Variants in FBXO36 observed in about 807,000 individuals in gnomAD.
FBXO36 encodes the protein F-box only protein 36.
Under a neutral mutation model 17.0 loss-of-function variants are expected in FBXO36, and 18 were observed. That is an observed-to-expected ratio of 1.06 (90% CI 0.73 to 1.57). FBXO36 has a LOEUF of 1.57. Ranked by LOEUF, FBXO36 falls within the 40% of genes most tolerant of loss-of-function variation. The pLI is 0.00. For synonymous variants in FBXO36, 83 were observed against 85.3 expected, an observed-to-expected ratio of 0.97 and a Z score of 0.15; for missense variants, 229 against 221.9, an observed-to-expected ratio of 1.03 and a Z score of -0.20.
At position 229,996,750 on chromosome 2, in the gene FBXO36, G is replaced by T; in HGVS notation, c.206-1G>T. On this transcript the variant is annotated splice_acceptor_variant, in intron 2 of 3. Coordinates refer to ENST00000283946, the MANE Select transcript of FBXO36 (RefSeq NM_174899.5). LOFTEE classifies it high-confidence loss of function. ...ACCATGTTGGCTTCTTTGAATTACA[G>T]GTCAAACTGCCTTAATATTTGGTGC... The T allele has an allele frequency of 1.2e-6, 2 of 1,604,724 alleles. No homozygotes were observed. Among genetic ancestry groups the T allele is most frequent in the South Asian group, 2.2e-5 (2 of 88,934 alleles).
At chr2:229,968,075 G>T (rs1194183321) in intron 1 of FBXO36, among the ~76,000 whole-genome samples, 2 of 151,926 alleles carry the variant, frequency 1.3e-5, no homozygotes, top group African/African-American at 4.8e-5. Context: ...GGTCTATTCG[G>T]AGATTCAACT....
intron 3 of FBXO36, among the ~76,000 whole-genome samples, chr2:230,006,540 T>G (rs2106218143): frequency 6.6e-6 from 1 of 152,282 alleles, no homozygotes; most frequent in Non-Finnish European, 1.5e-5. Flanking sequence ...CAGTATGTAA[T>G]TACTGAGCCC....
intron 1 of FBXO36, among the ~76,000 whole-genome samples, chr2:229,934,919 G>A (rs935667485): frequency 7.2e-5 from 11 of 152,158 alleles, no homozygotes; most frequent in Non-Finnish European, 1.5e-4. Context: ...TTGTAGACAT[G>A]AGCCACTGCG....
chr2:229,986,932 A>G (rs1406455111), intron 2 of FBXO36, among the ~76,000 whole-genome samples: 2 of 151,344 alleles, frequency 1.3e-5, no homozygotes, highest in Admixed American at 6.6e-5. Context: ...CATTACAGAG[A>G]CTCTGGCTGG....
intron 1 of FBXO36, among the ~76,000 whole-genome samples, chr2:229,928,787 G>C (rs1351636445): frequency 6.6e-6 from 1 of 152,054 alleles, no homozygotes; most frequent in African/African-American, 2.4e-5. Context: ...TTTAGAGGCA[G>C]AATCTCATTC....
chr2:229,985,714 AT>A (rs1384077451), intron 2 of FBXO36, among the ~76,000 whole-genome samples: 27 of 152,216 alleles, frequency 1.8e-4, no homozygotes, highest in African/African-American at 6.5e-4. Context: ...AAGATTAAAA[AT>A]TGAAATAATG....
chr2:229,980,042 G>GT (rs971492505), intron 2 of FBXO36, among the ~76,000 whole-genome samples: 8 of 151,438 alleles, frequency 5.3e-5, no homozygotes, highest in African/African-American at 7.3e-5. Context: ...GTTAACATTC[G>GT]TTTTTTTTGT....
intron 1 of FBXO36, among the ~76,000 whole-genome samples, chr2:229,947,896 G>C (rs530239971): frequency 6.6e-6 from 1 of 152,286 alleles, no homozygotes; most frequent in Non-Finnish European, 1.5e-5. Flanking sequence ...AATTTAGTAG[G>C]ATTCAACATC....
At chr2:229,994,597 C>T (rs73105408) in intron 2 of FBXO36, among the ~76,000 whole-genome samples, 5,564 of 152,252 alleles carry the variant, frequency 0.037, 359 homozygotes, top group African/African-American at 0.13. Context: ...CTACTTGCTC[C>T]AGAAGGAATG....
At chr2:229,938,216 C>CTTTTTTTTTT (rs71049603) in intron 1 of FBXO36, among the ~76,000 whole-genome samples, 2 of 73,258 alleles carry the variant, frequency 2.7e-5, no homozygotes, top group Non-Finnish European at 4.9e-5. Flanking sequence ...ATACAACTTT[C>CTTTTTTTTTT]TTTTTTTTTT....
intron 1 of FBXO36, among the ~76,000 whole-genome samples, chr2:229,945,862 A>G (rs969667177): frequency 6.6e-6 from 1 of 151,880 alleles, no homozygotes; most frequent in African/African-American, 2.4e-5. Context: ...GTCTCTACGA[A>G]AAATACAAAA....
chr2:229,954,904 C>G (rs1297245426), intron 1 of FBXO36, among the ~76,000 whole-genome samples: 1 of 150,852 alleles, frequency 6.6e-6, no homozygotes, highest in Non-Finnish European at 1.5e-5. Context: ...GGCTGGAGTA[C>G]AGTGGCACCA....
chr2:229,947,918 T>C (rs2077035875), intron 1 of FBXO36, among the ~76,000 whole-genome samples: 1 of 152,194 alleles, frequency 6.6e-6, no homozygotes, highest in African/African-American at 2.4e-5. Flanking sequence ...AGAGTGAAGA[T>C]ACAGATTTTG....
chr2:229,987,232 G>A (rs1274690354), intron 2 of FBXO36, among the ~76,000 whole-genome samples: 4 of 150,214 alleles, frequency 2.7e-5, no homozygotes, highest in Admixed American at 1.3e-4. Context: ...AAAAAAGAAC[G>A]TTACAGAGAC....
At chr2:229,991,645 G>A (rs372370155) in intron 2 of FBXO36, among the ~76,000 whole-genome samples, 2 of 152,166 alleles carry the variant, frequency 1.3e-5, no homozygotes, top group East Asian at 3.8e-4. Flanking sequence ...AGGCTGGATG[G>A]CAGTGTTTTT....
At chr2:229,987,429 T>C (rs2077274788) in intron 2 of FBXO36, among the ~76,000 whole-genome samples, 1 of 152,082 alleles carries the variant, frequency 6.6e-6, no homozygotes, top group Admixed American at 6.6e-5. Context: ...TCTTAATTAA[T>C]CTTGCCAGGG....
intron 1 of FBXO36, among the ~76,000 whole-genome samples, chr2:229,954,697 G>A (rs568626324): frequency 3.7e-4 from 56 of 151,116 alleles, no homozygotes; most frequent in Non-Finnish European, 5.7e-4. Context: ...ACAGGCACCC[G>A]CCATCACGCC....
intron 1 of FBXO36, among the ~76,000 whole-genome samples, chr2:229,923,858 T>G (rs1218723075): frequency 3.5e-5 from 5 of 141,222 alleles, no homozygotes; most frequent in African/African-American, 7.9e-5. Context: ...TTTTTTTTTT[T>G]TTTTTTTTTT....
chr2:229,961,054 G>A (rs1462550066), intron 1 of FBXO36, among the ~76,000 whole-genome samples: 1 of 151,812 alleles, frequency 6.6e-6, no homozygotes, highest in Non-Finnish European at 1.5e-5. Flanking sequence ...GTTGCAGTGA[G>A]CCGAGATCAC....
Sources: gnomAD v4.1 joint callset for allele counts (sites outside exome capture counted in the v4.1 genomes callset) on GRCh38, gnomAD v4.1.1 for gene constraint, MANE v1.5 for transcripts, NCBI Gene and HGNC (gene_info 2026-07-23, HGNC 2026-07-21) for gene names.